The following PTPRM variants were observed in gnomAD, a reference collection of about 807,000 sequenced individuals.
PTPRM encodes the protein receptor-type tyrosine-protein phosphatase mu.
Under a neutral mutation model 186.7 loss-of-function variants are expected in PTPRM, and 47 were observed. The observed-to-expected ratio is 0.25, with a 90% CI of 0.20 to 0.32. PTPRM has a LOEUF of 0.32. Ranked by LOEUF, PTPRM falls within the 10% of genes least tolerant of loss-of-function variation. The pLI, the probability that PTPRM is intolerant of heterozygous loss-of-function variation, is 1.00. For synonymous variants in PTPRM, 668 were observed against 674.9 expected (o/e 0.99, Z 0.16); for missense variants, 1,494 against 1,865.0 (o/e 0.80, Z 3.66).
intron 13 of PTPRM, among the ~76,000 whole-genome samples, chr18:8,130,887 A>G (rs1275947500): frequency 6.6e-6 from 1 of 152,320 alleles, no homozygotes; most frequent in Non-Finnish European, 1.5e-5. Context: ...CCATATCTGT[A>G]AAACAGGGAG....
intron 2 of PTPRM, among the ~76,000 whole-genome samples, chr18:7,807,011 C>G (rs1301864114): frequency 6.6e-6 from 1 of 152,192 alleles, no homozygotes; most frequent in African/African-American, 2.4e-5. Context: ...GGTAGTATCT[C>G]CTTCATCTGT....
intron 19 of PTPRM, among the ~76,000 whole-genome samples, chr18:8,282,164 C>T (rs2094910882): frequency 6.6e-6 from 1 of 152,010 alleles, no homozygotes; most frequent in South Asian, 2.1e-4. Flanking sequence ...CAAATAAACA[C>T]ATGAAAAGAA....
At chr18:8,113,783 A>C (rs371712569) in intron 12 of PTPRM, 24 bp downstream of exon 12, 2 of 1,588,290 alleles carry the variant, frequency 1.3e-6, no homozygotes, top group Admixed American at 3.5e-5. Flanking sequence ...ATAACTGTTT[A>C]CTTAGGCTAT....
chr18:8,382,622 A>G (rs2095744126), intron 29 of PTPRM, among the ~76,000 whole-genome samples: 1 of 152,262 alleles, frequency 6.6e-6, no homozygotes, highest in African/African-American at 2.4e-5. Flanking sequence ...TTTTTAAAAT[A>G]CTGTCAGCAT....
chr18:8,209,129 T>G (rs1211805721), intron 14 of PTPRM, among the ~76,000 whole-genome samples: 1 of 152,192 alleles, frequency 6.6e-6, no homozygotes, highest in African/African-American at 2.4e-5. Context: ...GGCGTGACAT[T>G]GTCTGCTTTC....
chr18:8,190,336 T>A (rs570828988), intron 14 of PTPRM, among the ~76,000 whole-genome samples: 2 of 152,334 alleles, frequency 1.3e-5, no homozygotes, highest in African/African-American at 4.8e-5. Context: ...GCTTGAGTTT[T>A]TACACATTCC....
At chr18:7,658,214 C>G (rs923975560) in intron 1 of PTPRM, among the ~76,000 whole-genome samples, 4 of 151,706 alleles carry the variant, frequency 2.6e-5, no homozygotes, top group Admixed American at 1.3e-4. Flanking sequence ...GTTCTGGGCT[C>G]TGGGGTGACT....
chr18:7,886,248 C>G (rs2048779350), intron 2 of PTPRM, among the ~76,000 whole-genome samples: 1 of 152,144 alleles, frequency 6.6e-6, no homozygotes, highest in Non-Finnish European at 1.5e-5. Context: ...ACAGGAACGT[C>G]CTACTCTGGA....
intron 14 of PTPRM, among the ~76,000 whole-genome samples, chr18:8,240,644 AGAG>A (rs2094413707): frequency 3.0e-5 from 1 of 33,266 alleles, no homozygotes. Flanking sequence ...AGAGAGAGAG[AGAG>A]AGAGAGAAAG....
At chr18:7,810,971 C>T (rs183661334) in intron 2 of PTPRM, among the ~76,000 whole-genome samples, 207 of 152,194 alleles carry the variant, frequency 1.4e-3, no homozygotes, top group Non-Finnish European at 2.6e-3. Flanking sequence ...GGATATTTTT[C>T]TGAACGATTG....
At chr18:8,133,974 C>T (rs1346952814) in intron 13 of PTPRM, among the ~76,000 whole-genome samples, 2 of 152,110 alleles carry the variant, frequency 1.3e-5, no homozygotes, top group East Asian at 3.9e-4. Flanking sequence ...AAATATGTAG[C>T]ATTTTTAGAC....
chr18:8,309,853 G>A (rs1297291053), intron 20 of PTPRM, among the ~76,000 whole-genome samples: 1 of 152,080 alleles, frequency 6.6e-6, no homozygotes, highest in Non-Finnish European at 1.5e-5. Flanking sequence ...TTGATCTGTA[G>A]GAGAAATAAG....
intron 13 of PTPRM, among the ~76,000 whole-genome samples, chr18:8,140,236 T>C (rs973404531): frequency 2.0e-5 from 3 of 152,054 alleles, no homozygotes; most frequent in Non-Finnish European, 2.9e-5. Flanking sequence ...TACCCTTGGA[T>C]CTTCTGGGAA....
At chr18:7,695,589 T>C (rs1274747543) in intron 1 of PTPRM, among the ~76,000 whole-genome samples, 1 of 152,090 alleles carries the variant, frequency 6.6e-6, no homozygotes, top group African/African-American at 2.4e-5. Flanking sequence ...TAAAAAATGC[T>C]CTTGTCTGTT....
intron 1 of PTPRM, among the ~76,000 whole-genome samples, chr18:7,593,828 T>C (rs1017836310): frequency 1.3e-5 from 2 of 152,148 alleles, no homozygotes; most frequent in African/African-American, 2.4e-5. Flanking sequence ...ACCCTGCACA[T>C]TGTAAATCTC....
intron 1 of PTPRM, among the ~76,000 whole-genome samples, chr18:7,634,568 A>G (rs1368383413): frequency 6.6e-6 from 1 of 152,116 alleles, no homozygotes; most frequent in Non-Finnish European, 1.5e-5. Flanking sequence ...AATATTTTAG[A>G]TTTCTCCCAA....
chr18:8,229,978 C>T (rs2094265380), intron 14 of PTPRM, among the ~76,000 whole-genome samples: 1 of 152,214 alleles, frequency 6.6e-6, no homozygotes, highest in Middle Eastern at 3.2e-3. Flanking sequence ...GTTGTTACCA[C>T]TAGGTCATCT....
At chr18:8,401,685 C>G (rs1009733821) in intron 32 of PTPRM, among the ~76,000 whole-genome samples, 12 of 152,248 alleles carry the variant, frequency 7.9e-5, no homozygotes, top group Non-Finnish European at 1.6e-4. Flanking sequence ...ACACAGGCAG[C>G]CTGCGCAGAC....
At chr18:7,887,289 A>T (rs1020429061) in intron 2 of PTPRM, among the ~76,000 whole-genome samples, 1 of 152,138 alleles carries the variant, frequency 6.6e-6, no homozygotes, top group African/African-American at 2.4e-5. Flanking sequence ...GAAAGCTTGA[A>T]TCCATCTGGA....
Sources: allele counts gnomAD v4.1 joint callset (sites outside exome capture counted in the v4.1 genomes callset), GRCh38; gene constraint gnomAD v4.1.1; transcripts MANE v1.5; gene names NCBI Gene and HGNC (gene_info 2026-07-23, HGNC 2026-07-21).